The following USP40 variants were observed in gnomAD, a reference collection of about 807,000 sequenced individuals.
The protein encoded by USP40 is ubiquitin carboxyl-terminal hydrolase 40.
In USP40, 143 loss-of-function variants were observed where a neutral mutation model predicts 166.2. The ratio of observed to expected loss-of-function variants is 0.86; its 90% CI spans 0.75 to 0.99. The LOEUF is 0.99. Among genes scored for constraint, USP40 ranks in the 50% least tolerant of loss-of-function variants. USP40 has a pLI of 0.00. For synonymous variants in USP40, 498 were observed against 524.0 expected, an observed-to-expected ratio of 0.95 and a Z score of 0.68; for missense variants, 1,444 against 1,479.7, an observed-to-expected ratio of 0.98 and a Z score of 0.40.
intron 26 of USP40, among the ~76,000 whole-genome samples, chr2:233,490,769 G>C (rs978658231): frequency 3.3e-5 from 5 of 152,124 alleles, no homozygotes; most frequent in Non-Finnish European, 7.3e-5. Context: ...TAACCTCCTG[G>C]AAAACTGGTA....
intron 30 of USP40, among the ~76,000 whole-genome samples, chr2:233,484,555 C>T (rs2064826910): frequency 6.6e-6 from 1 of 151,672 alleles, no homozygotes; most frequent in African/African-American, 2.4e-5. Flanking sequence ...TGGCTCACTG[C>T]AACATCCACC....
chr2:233,489,242 G>T, intron 27 of USP40, 123 bp downstream of exon 27: 1 of 894,658 alleles, frequency 1.1e-6, no homozygotes, highest in Non-Finnish European at 1.8e-6. Context: ...TCACAAGCGT[G>T]GCATGACCAG....
chr2:233,490,128 T>C (rs921107843), intron 26 of USP40, among the ~76,000 whole-genome samples: 1 of 151,692 alleles, frequency 6.6e-6, no homozygotes, highest in East Asian at 1.9e-4. Flanking sequence ...TTTGTTCTCA[T>C]GAGAATAAGG....
intron 21 of USP40, among the ~76,000 whole-genome samples, chr2:233,509,489 A>G (rs1022032532): frequency 1.3e-5 from 2 of 152,104 alleles, no homozygotes; most frequent in Non-Finnish European, 2.9e-5. Flanking sequence ...CACATTCAAC[A>G]TTTCTATAAT....
intron 24 of USP40, among the ~76,000 whole-genome samples, chr2:233,494,956 T>TTATATATATATATATATATATTTATA (rs2065628385): frequency 2.8e-5 from 1 of 35,504 alleles, no homozygotes; most frequent in African/African-American, 1.1e-4. Flanking sequence ...ATATATATAT[T>TTATATATATATATATATATATTTATA]TATATATATA....
chr2:233,554,448 C>A lies in USP40; in HGVS notation c.625G>T (p.Glu209Ter), dbSNP rs1172912868. Residue 209 changes from glutamate (E) to a stop codon, truncating the protein, a stop_gained, in exon 6 of 32, where the codon GAG (glutamate) becomes TAG (stop). Transcript: ENST00000678225. LOFTEE classifies it high-confidence loss of function. ...EDALWNMYVEEEVFDCDNLYH... is the reference protein window; with the variant it reads ...EDALWNMYVE ...AAGTTGTCACAATCAAAAACTTCCT[C>A]TTCTACATACATGTTCCAGAGAGCA... The A allele has an allele frequency of 6.2e-7, 1 of 1,613,236 alleles. No individual in the cohort carries two copies. Among genetic ancestry groups the A allele is most frequent in the Non-Finnish European group, 8.5e-7 (1 of 1,179,684 alleles).
intron 11 of USP40, among the ~76,000 whole-genome samples, chr2:233,532,046 TA>T (rs1473161106): frequency 6.6e-6 from 1 of 152,122 alleles, no homozygotes; most frequent in Non-Finnish European, 1.5e-5. Flanking sequence ...TGCGCACACA[TA>T]GGAAATTGGC....
At chr2:233,555,529 T>C (rs745378608) in intron 5 of USP40, among the ~76,000 whole-genome samples, 4 of 152,164 alleles carry the variant, frequency 2.6e-5, no homozygotes, top group African/African-American at 9.7e-5. Flanking sequence ...GCCTTACATA[T>C]GTTGTTTTGA....
In USP40 at chr2:233,533,554, C is replaced by A. The variant is rs984295555; in HGVS notation, c.1396G>T (p.Glu466Ter). ...CTTTCTTTACCCTGAAATTGCTGTT[C>A]AATATCCTTTTCCCTGATTGGCTGG... ...KVQPIREKDI[E>*]QQFQGKESAY... Residue 466 changes from glutamate (E) to a stop codon, truncating the protein, a stop_gained, in exon 11 of 32, where the codon GAA (glutamate) becomes TAA (stop). Transcript: ENST00000678225. LOFTEE classifies it high-confidence loss of function. 6.2e-7 allele frequency: 1 copy of A among 1,613,780 alleles called. No individual in the cohort carries two copies. The highest frequency in any genetic ancestry group is 8.5e-7 in the Non-Finnish European group (1 of 1,179,780).
chr2:233,477,093 T>C lies in USP40; in HGVS notation c.*299A>G, dbSNP rs1346651279. 7.4e-6 allele frequency: 3 copies of C among 405,688 alleles called. No homozygotes were observed. The East Asian group carries it at 1.6e-4, about 22-fold the overall frequency. 25.1% of individuals were successfully genotyped at this position (405,688 alleles called of 1,614,324 possible). On this transcript the variant is annotated 3_prime_UTR_variant, in exon 32 of 32. Transcript: ENST00000678225. ...TGCGGTTCACGCACACGTTGTGCAT[T>C]TTCTGGTTAAAAGAAAAAAAAAGGC...
intron 13 of USP40, 135 bp from the exon 14 acceptor site, chr2:233,525,697 C>G (rs2067975470): frequency 3.5e-6 from 2 of 579,564 alleles, no homozygotes; most frequent in African/African-American, 1.9e-5. Flanking sequence ...CCCCACCCAA[C>G]ACCGAAAACT....
chr2:233,531,061 T>C (rs1382520373), intron 11 of USP40, among the ~76,000 whole-genome samples: 1 of 152,174 alleles, frequency 6.6e-6, no homozygotes, highest in Non-Finnish European at 1.5e-5. Context: ...CAAAGAAAAA[T>C]GGCTTAGTTA....
chr2:233,482,507 C>T (rs992265302), intron 30 of USP40, among the ~76,000 whole-genome samples: 5 of 151,946 alleles, frequency 3.3e-5, no homozygotes, highest in South Asian at 2.1e-4. Context: ...TTGGTTGTAT[C>T]GACGGGCATC....
At chr2:233,532,490 C>G (rs1014963322) in intron 11 of USP40, among the ~76,000 whole-genome samples, 1 of 152,156 alleles carries the variant, frequency 6.6e-6, no homozygotes, top group Non-Finnish European at 1.5e-5. Context: ...ATATTTGGAC[C>G]GGAGAAGATT....
intron 19 of USP40, chr2:233,512,048 T>G (rs369483752): frequency 5.9e-6 from 2 of 337,726 alleles, no homozygotes. Context: ...AGTTTCCTAC[T>G]TAATAAAAAT....
Position 233,554,782 on chromosome 2 carries a change from ATC to A in USP40, c.547-258_547-257del, listed in dbSNP as rs1333095292. Among the ~76,000 whole-genome samples the A allele has an allele frequency of 2.6e-5, 4 of 152,356 alleles. No individual in the cohort carries two copies. In the East Asian group the frequency reaches 7.7e-4, roughly 29 times the overall value. ...ATGAATTTACCAAAGATACAATAAAATCTGTTTTATGAGGAAATATAAACCAC... is the reference window on the plus strand; with the variant it reads ...ATGAATTTACCAAAGATACAATAAAATGTTTTATGAGGAAATATAAACCAC... On this transcript the variant is annotated intron_variant, in intron 5 of 31. Coordinates refer to ENST00000678225, the MANE Select transcript of USP40 (RefSeq NM_001365479.2).
Position 233,551,536 on chromosome 2 carries a change from T to A in USP40, c.694-17A>T. On this transcript the variant is annotated splice_polypyrimidine_tract_variant and intron_variant, in intron 6 of 31. Transcript: ENST00000678225. ...TTTGGCCGACTGTTAAAAGAAAAAT[T>A]TACAAAGCTTTTTAAAAACAGGGTT... The A allele has an allele frequency of 6.4e-7, 1 of 1,565,612 alleles. No homozygotes were observed. The highest frequency in any genetic ancestry group is 8.6e-7 in the Non-Finnish European group (1 of 1,159,504).
At chr2:233,528,955 C>T (rs2068273354) in intron 12 of USP40, among the ~76,000 whole-genome samples, 1 of 152,230 alleles carries the variant, frequency 6.6e-6, no homozygotes. Flanking sequence ...CATAGGCTTT[C>T]CCCCAAGATC....
chr2:233,497,142 C>T (rs1353595701), intron 23 of USP40, among the ~76,000 whole-genome samples: 1 of 152,048 alleles, frequency 6.6e-6, no homozygotes, highest in East Asian at 1.9e-4. Context: ...ATTTGGAAAG[C>T]TAGAGAAAAT....
Sources: gnomAD v4.1 joint callset for allele counts (sites outside exome capture counted in the v4.1 genomes callset) on GRCh38, gnomAD v4.1.1 for gene constraint, MANE v1.5 for transcripts, NCBI Gene and HGNC (gene_info 2026-07-23, HGNC 2026-07-21) for gene names.